MTF1: variants seen among roughly 807,000 people sequenced by gnomAD.
MTF1 encodes the protein metal regulatory transcription factor 1.
Under a neutral mutation model 70.4 loss-of-function variants are expected in MTF1, and 22 were observed. The observed-to-expected ratio is 0.31, with a 90% confidence interval of 0.22 to 0.45. The LOEUF (loss-of-function observed/expected upper bound fraction) is 0.45, where lower values mean the gene tolerates loss of function less well. Among genes scored for constraint, MTF1 ranks in the 20% least tolerant of loss-of-function variants. The pLI, the probability that MTF1 is intolerant of heterozygous loss-of-function variation, is 1.00. For synonymous variants in MTF1, 333 were observed against 352.8 expected (o/e 0.94, Z 0.63); for missense variants, 649 against 922.0 (o/e 0.70, Z 3.83).
Position 37,823,404 on chromosome 1 carries a change from C to T in MTF1, c.1171+306G>A, listed in dbSNP as rs900404369. On this transcript the variant is annotated intron_variant, in intron 8 of 10. Transcript: ENST00000373036. ...TTGCGGTGAGCTGAGATCACACCAC[C>T]GCACTCCCATCTGGGTGACAAAATG... is the stretch of plus-strand genomic sequence containing the variant. 5.3e-5 allele frequency among the ~76,000 whole-genome samples: 8 copies of T among 151,562 alleles called. No individual in the cohort carries two copies. The South Asian group carries it at 6.2e-4, about 12-fold the overall frequency.
At chr1:37,853,999 G>A (rs2148423161) in intron 2 of MTF1, among the ~76,000 whole-genome samples, 1 of 152,178 alleles carries the variant, frequency 6.6e-6, no homozygotes, top group East Asian at 1.9e-4. Context: ...AATTTCATAG[G>A]GAGATATTTT....
At chr1:37,839,340 T>C (rs1305674876) in intron 3 of MTF1, among the ~76,000 whole-genome samples, 1 of 152,188 alleles carries the variant, frequency 6.6e-6, no homozygotes, top group Non-Finnish European at 1.5e-5. Context: ...ATAGAACCCC[T>C]CTGTGCTTCC....
At chr1:37,841,988 T>C (rs1641260497) in intron 2 of MTF1, among the ~76,000 whole-genome samples, 1 of 151,918 alleles carries the variant, frequency 6.6e-6, no homozygotes, top group Non-Finnish European at 1.5e-5. Flanking sequence ...TGAGCTATGA[T>C]TGCTACTGCA....
intron 6 of MTF1, among the ~76,000 whole-genome samples, chr1:37,833,535 A>G (rs918615487): frequency 2.0e-5 from 3 of 152,172 alleles, no homozygotes; most frequent in Non-Finnish European, 2.9e-5. Context: ...GCACACACTC[A>G]ACAAACATTC....
intron 2 of MTF1, among the ~76,000 whole-genome samples, chr1:37,844,690 C>T (rs543855997): frequency 2.1e-3 from 319 of 152,294 alleles, no homozygotes; most frequent in African/African-American, 7.3e-3. Flanking sequence ...GATGCTACAG[C>T]TTTTGTTAAC....
At chr1:37,842,853 G>T (rs1427397965) in intron 2 of MTF1, among the ~76,000 whole-genome samples, 2 of 152,174 alleles carry the variant, frequency 1.3e-5, no homozygotes, top group South Asian at 4.1e-4. Context: ...GACTGGGGAA[G>T]TGACTGGATC....
At chr1:37,842,604 T>A (rs1441161733) in intron 2 of MTF1, among the ~76,000 whole-genome samples, 1 of 152,240 alleles carries the variant, frequency 6.6e-6, no homozygotes, top group Admixed American at 6.5e-5. Flanking sequence ...AGTGTAGGTG[T>A]AGGGATTCCC....
intron 3 of MTF1, among the ~76,000 whole-genome samples, chr1:37,839,707 T>C (rs1190000293): frequency 1.3e-5 from 2 of 152,228 alleles, no homozygotes; most frequent in Non-Finnish European, 2.9e-5. Flanking sequence ...CCAAGATACG[T>C]CCATCTTTAA....
chr1:37,822,616 T>C lies in MTF1; in HGVS notation c.1272A>G (p.Gln424=), dbSNP rs761926787. The change falls in exon 9 of 11, where the codon CAA becomes CAG. Residue 424 remains glutamine (Q), a synonymous_variant. Coordinates refer to ENST00000373036, the MANE Select transcript of MTF1 (RefSeq NM_005955.3). ...GCTGGGGTGGCTCGGAGAGGCCAGG[T>C]TGCAGTACAAGTGGAAGAGATAAAG... is the stretch of plus-strand genomic sequence containing the variant. ...SASLSLPLVL[Q]PGLSEPPQPL... is the part of the protein sequence containing the mutation. The C allele has an allele frequency of 1.9e-6, 3 of 1,613,740 alleles. No individual in the cohort carries two copies. The highest frequency in any genetic ancestry group is 1.1e-5 in the South Asian group (1 of 91,062).
chr1:37,828,168 A>G, intron 7 of MTF1: 1 of 420,354 alleles, frequency 2.4e-6, no homozygotes, highest in South Asian at 1.7e-5. Context: ...CAATCATAAA[A>G]GCATTAAAAA....
chr1:37,815,508 C>A lies in MTF1; in HGVS notation c.1890G>T (p.Glu630Asp). The A allele has an allele frequency of 6.4e-7, 1 of 1,553,526 alleles. No homozygotes were observed. The highest frequency in any genetic ancestry group is 1.2e-5 in the South Asian group (1 of 80,216). ...SVPVIIIKQE[E>D]ACQCQCACRD... ...GGCATGCACACTGACACTGACATGC[C>A]TCTTCTTGTTTGATGATGATCACAG... is the stretch of plus-strand genomic sequence containing the variant. Residue 630 changes from glutamate to aspartate, a missense_variant, in exon 11 of 11, where the codon GAG (glutamate) becomes GAT (aspartate). Coordinates refer to ENST00000373036, the MANE Select transcript of MTF1 (RefSeq NM_005955.3). This position sits in a 1 kb window ranked among gnomAD's most constrained non-coding sequence, Gnocchi z 4.5.
chr1:37,829,168 A>G (rs1199565721), intron 7 of MTF1, among the ~76,000 whole-genome samples: 1 of 150,442 alleles, frequency 6.6e-6, no homozygotes, highest in African/African-American at 2.5e-5. Flanking sequence ...CCCAGGCTGG[A>G]ATGCAGTGGT....
At chr1:37,841,382 A>G (rs1030903819) in intron 2 of MTF1, 1 of 153,352 alleles carries the variant, frequency 6.5e-6, no homozygotes, top group Non-Finnish European at 1.5e-5. Context: ...GGTGTGCCTT[A>G]TCCCTCCCCC....
intron 2 of MTF1, among the ~76,000 whole-genome samples, chr1:37,856,897 T>C (rs572310915): frequency 2.0e-5 from 3 of 152,324 alleles, no homozygotes; most frequent in East Asian, 3.9e-4. Context: ...AAGCCAAATA[T>C]AGTTATTTCT....
At position 37,811,792 on chromosome 1, in the gene MTF1, C is replaced by T. The variant is rs1459147026; in HGVS notation, c.*3344G>A. ...GAGAGATCTTCACATCTTAAGGCCC[C>T]TCCTGGGCTTTGTACCATGATCTCC... On this transcript the variant is annotated 3_prime_UTR_variant, in exon 11 of 11. Coordinates refer to ENST00000373036, the MANE Select transcript of MTF1 (RefSeq NM_005955.3). 2 of 152,476 alleles carry T rather than the reference C, an allele frequency of 1.3e-5. No individual in the cohort carries two copies. Among genetic ancestry groups the T allele is most frequent in the South Asian group, 2.1e-4 (1 of 4,834 alleles). The allele number at this position is 152,476 out of a possible 1,614,324, so 9.4% of individuals were successfully genotyped here. A position where few individuals can be genotyped will look rare whatever the true frequency, so the allele number is the denominator to read the frequency against.
chr1:37,828,804 A>G lies in MTF1; in HGVS notation c.1068+3441T>C, dbSNP rs1044330901. On this transcript the variant is annotated intron_variant, in intron 7 of 10. Transcript: ENST00000373036. Reference sequence around the variant, plus strand: ...CAAAAACGCTGGGAGCAAAGTGGGTAGGAACAACTTTCACAAGTAGAGAAG... The same window carrying G: ...CAAAAACGCTGGGAGCAAAGTGGGTGGGAACAACTTTCACAAGTAGAGAAG... Among the ~76,000 whole-genome samples the G allele has an allele frequency of 5.1e-4, 78 of 152,230 alleles. 1 individual carries two copies. Among genetic ancestry groups the G allele is most frequent in the Admixed American group, 4.6e-4 (7 of 15,280 alleles).
rs1402678136 is a variant in MTF1 at position 37,840,534 on chromosome 1, C to T, written c.409-376G>A. On this transcript the variant is annotated intron_variant, in intron 2 of 10. Coordinates refer to ENST00000373036, the MANE Select transcript of MTF1 (RefSeq NM_005955.3). The surrounding 1 kb of genome is among the most constrained non-coding windows in gnomAD (Gnocchi z 4.5). ...CTAAACACCCTGACCTCCAGAACTACAACTTGATTGGAATTACCAATATTA... is the reference window on the plus strand; with the variant it reads ...CTAAACACCCTGACCTCCAGAACTATAACTTGATTGGAATTACCAATATTA... 3 of 459,842 alleles carry T rather than the reference C, an allele frequency of 6.5e-6. No individual in the cohort carries two copies. Among genetic ancestry groups the T allele is most frequent in the African/African-American group, 6.0e-5 (3 of 50,226 alleles). 28.5% of individuals were successfully genotyped at this position (459,842 alleles called of 1,614,324 possible).
In MTF1 at chr1:37,835,740, C is replaced by G; in HGVS notation, c.784G>C (p.Asp262His). The change falls in exon 5 of 11, where the codon GAT (aspartate) becomes CAT (histidine). Residue 262 changes from aspartate (D) to histidine (H), a missense_variant. Asp to His is a moderately conservative substitution (Grantham distance 81). Around this residue, in one of 7 missense-constraint regions of MTF1, gnomAD observed 118 missense variants for 287.2 expected, o/e 0.41. Coordinates refer to ENST00000373036, the MANE Select transcript of MTF1 (RefSeq NM_005955.3). The stretch of plus-strand genomic sequence containing the variant: ...AATGCTTTTCCACAGCCATCGTGAT[C>G]GCACCTAAATTTGTTAAGGAAAGAG... ...THTGEKPFRC[D>H]HDGCGKAFAA... 6.2e-7 allele frequency: 1 copy of G among 1,613,588 alleles called. No individual in the cohort carries two copies. Among genetic ancestry groups the G allele is most frequent in the Non-Finnish European group, 8.5e-7 (1 of 1,179,702 alleles).
chr1:37,847,243 G>T (rs966709746), intron 2 of MTF1, among the ~76,000 whole-genome samples: 1 of 152,072 alleles, frequency 6.6e-6, no homozygotes, highest in African/African-American at 2.4e-5. Flanking sequence ...CCTGATTCTT[G>T]TATCTTTGCA....
Sources: gnomAD v4.1 joint callset for allele counts (sites outside exome capture counted in the v4.1 genomes callset) on GRCh38, gnomAD v4.1.1 for gene constraint, gnomAD v4.1.1 regional missense constraint, Gnocchi (gnomAD v3.1) non-coding constraint, MANE v1.5 for transcripts, NCBI Gene and HGNC (gene_info 2026-07-23, HGNC 2026-07-21) for gene names.